Variants in MYO10 observed in about 807,000 individuals in gnomAD.
MYO10 encodes the protein unconventional myosin-X.
In MYO10, 133 loss-of-function variants were observed where a neutral mutation model predicts 257.3. The observed-to-expected ratio is 0.52, with a 90% CI of 0.45 to 0.60. The LOEUF is 0.60. MYO10 is among the 20% of genes least tolerant of loss of function. The pLI, the probability that MYO10 is intolerant of heterozygous loss-of-function variation, is 0.00. For missense variants in MYO10, 2,399 were observed against 2,635.7 expected, an observed-to-expected ratio of 0.91 and a Z score of 1.97; for synonymous variants, 1,104 against 1,028.6, an observed-to-expected ratio of 1.07 and a Z score of -1.40.
intron 8 of MYO10, among the ~76,000 whole-genome samples, chr5:16,780,263 T>C (rs192970467): frequency 6.6e-6 from 1 of 151,970 alleles, no homozygotes; most frequent in Admixed American, 6.6e-5. Flanking sequence ...CCAGCTGTAA[T>C]ATGTATTTTT....
intron 39 of MYO10, 68 bp from the exon 40 acceptor site, chr5:16,668,536 T>A: frequency 2.2e-6 from 3 of 1,339,590 alleles, no homozygotes; most frequent in Non-Finnish European, 2.0e-6. Context: ...ATCTAAACCA[T>A]AAGACAGGCT....
rs1363651068 is a variant in MYO10, at chr5:16,662,832, C to T, written c.*3860G>A. 3.3e-5 allele frequency: 5 copies of T among 152,262 alleles called. No homozygotes were observed. The highest frequency in any genetic ancestry group is 3.9e-4 in the East Asian group (2 of 5,176). 9.4% of individuals were successfully genotyped at this position (152,262 alleles called of 1,614,324 possible). A position where few individuals can be genotyped will look rare whatever the true frequency, so the allele number is the denominator to read the frequency against. On this transcript the variant is annotated 3_prime_UTR_variant, in exon 41 of 41. Transcript: ENST00000513610. ...GCTAATGGTTTTATAAAAGGGAGTT[C>T]CCCTGTGCAAGCTCTCTTGCCTGCT...
chr5:16,920,042 C>T (rs554206894), intron 1 of MYO10, among the ~76,000 whole-genome samples: 2 of 152,196 alleles, frequency 1.3e-5, no homozygotes, highest in African/African-American at 4.8e-5. Flanking sequence ...ACCCAGGAGG[C>T]GGAGACTGCG....
At chr5:16,855,071 G>A (rs1743922973) in intron 2 of MYO10, among the ~76,000 whole-genome samples, 1 of 151,752 alleles carries the variant, frequency 6.6e-6, no homozygotes, top group South Asian at 2.1e-4. Context: ...TTGTATTTCA[G>A]ACCATCACTC....
At position 16,694,591 on chromosome 5, in the gene MYO10, G is replaced by A. The variant is rs148924168; in HGVS notation, c.3580C>T (p.Arg1194Cys). The A allele has an allele frequency of 1.7e-5, 27 of 1,613,880 alleles. No homozygotes were observed. The highest frequency in any genetic ancestry group is 1.6e-4 in the Middle Eastern group (1 of 6,062). Residue 1194 changes from arginine to cysteine, a missense_variant, in exon 27 of 41, where the codon CGC (arginine) becomes TGC (cysteine). By Grantham distance (180) the Arg-to-Cys change is radical. Around this residue, in one of 3 missense-constraint regions of MYO10, gnomAD observed 1,820 missense variants for 1,939.4 expected, o/e 0.94. Transcript: ENST00000513610. The part of the protein sequence containing the change: ...MKGGLMNSWK[R>C]RWCVLKDETF... ...TCATCCTTGAGGACGCACCAGCGGC[G>A]TTTCCAAGAGTTCATCAGGCCACCT... is the stretch of plus-strand genomic sequence containing the variant.
chr5:16,905,613 G>A, intron 1 of MYO10, among the ~76,000 whole-genome samples: 1 of 152,120 alleles, frequency 6.6e-6, no homozygotes, highest in Non-Finnish European at 1.5e-5. Flanking sequence ...AAACAAGAAA[G>A]TTCCATTCCA....
chr5:16,821,155 A>C (rs1742793300), intron 2 of MYO10, among the ~76,000 whole-genome samples: 1 of 148,094 alleles, frequency 6.8e-6, no homozygotes, highest in Non-Finnish European at 1.5e-5. Flanking sequence ...TAAAATATCT[A>C]TATAAGGTAT....
At position 16,766,106 on chromosome 5, in the gene MYO10, T is replaced by C; in HGVS notation, c.1153A>G (p.Ile385Val). 6.2e-7 allele frequency: 1 copy of C among 1,613,020 alleles called. No homozygotes were observed. The highest frequency in any genetic ancestry group is 1.7e-5 in the Admixed American group (1 of 60,014). The part of the protein sequence containing the change: ...QRSMFLRGEE[I>V]LTPLNVQQAV... Reference sequence around the variant, plus strand: ...TGTTGAACATTGAGAGGCGTGAGGATCTCTTCTCCCCTGAGGAACATTGAT... The same window carrying C: ...TGTTGAACATTGAGAGGCGTGAGGACCTCTTCTCCCCTGAGGAACATTGAT... The change falls in exon 11 of 41, where the codon ATC becomes GTC. Residue 385 changes from isoleucine to valine, a missense_variant. Around this residue, in one of 3 missense-constraint regions of MYO10, gnomAD observed 337 missense variants for 446.8 expected, o/e 0.75. Transcript: ENST00000513610.
chr5:16,918,768 T>G (rs2126798693), intron 1 of MYO10, among the ~76,000 whole-genome samples: 1 of 152,252 alleles, frequency 6.6e-6, no homozygotes, highest in Admixed American at 6.5e-5. Flanking sequence ...CCCAAAGTAC[T>G]GGGATTACAT....
chr5:16,674,978 C>T lies in MYO10; in HGVS notation c.4839G>A (p.Gln1613=). The T allele has an allele frequency of 6.2e-7, 1 of 1,613,982 alleles. No individual in the cohort carries two copies. The highest frequency in any genetic ancestry group is 8.5e-7 in the Non-Finnish European group (1 of 1,179,900). Residue 1613 remains glutamine (Q), a synonymous_variant, in exon 35 of 41, where the codon CAG becomes CAA. Transcript: ENST00000513610. ...RDELYCQLIK[Q]TNKVPHPGSV... is the part of the protein sequence containing the mutation. ...TGCCGGGGTGGGGCACTTTGTTGGT[C>T]TGTTTGATAAGCTGGCAGTACAGCT...
At chr5:16,735,041 G>A (rs988851016) in intron 19 of MYO10, among the ~76,000 whole-genome samples, 7 of 152,122 alleles carry the variant, frequency 4.6e-5, no homozygotes, top group Non-Finnish European at 5.9e-5. Context: ...CCTGTGGCTG[G>A]TAAAAGGCAG....
chr5:16,740,948 C>T (rs190003863), intron 19 of MYO10, among the ~76,000 whole-genome samples: 41 of 151,568 alleles, frequency 2.7e-4, no homozygotes, highest in African/African-American at 9.4e-4. Flanking sequence ...ATCTTATCTA[C>T]GCGACGAAAG....
intron 21 of MYO10, among the ~76,000 whole-genome samples, chr5:16,709,367 T>C (rs1388056005): frequency 1.3e-5 from 2 of 152,072 alleles, no homozygotes; most frequent in Non-Finnish European, 2.9e-5. Context: ...GGGGGTGCAA[T>C]CTGGGACTTG....
intron 1 of MYO10, among the ~76,000 whole-genome samples, chr5:16,921,790 C>A (rs1745994110): frequency 1.3e-5 from 2 of 152,096 alleles, no homozygotes. Flanking sequence ...TTGGTTGTCA[C>A]AACCAGGAGG....
At chr5:16,909,781 G>A (rs1259127364) in intron 1 of MYO10, among the ~76,000 whole-genome samples, 1 of 152,088 alleles carries the variant, frequency 6.6e-6, no homozygotes, top group Non-Finnish European at 1.5e-5. Flanking sequence ...GTTCATGATC[G>A]TGGGGGCAGA....
chr5:16,903,151 T>G (rs1057475356), intron 1 of MYO10, among the ~76,000 whole-genome samples: 1 of 152,222 alleles, frequency 6.6e-6, no homozygotes, highest in Non-Finnish European at 1.5e-5. Flanking sequence ...CTCACGCCTG[T>G]AATCCCAGCA....
chr5:16,743,974 T>C (rs1740098890), intron 19 of MYO10, among the ~76,000 whole-genome samples: 1 of 152,208 alleles, frequency 6.6e-6, no homozygotes, highest in South Asian at 2.1e-4. Flanking sequence ...CTGTAGTATA[T>C]GCTCACATTT....
chr5:16,887,786 T>C (rs890702486), intron 1 of MYO10, among the ~76,000 whole-genome samples: 1 of 152,128 alleles, frequency 6.6e-6, no homozygotes, highest in Non-Finnish European at 1.5e-5. Context: ...CCACCATGTC[T>C]GGCCTCAGTC....
intron 2 of MYO10, among the ~76,000 whole-genome samples, chr5:16,852,141 G>A (rs1438560999): frequency 6.6e-6 from 1 of 150,552 alleles, no homozygotes; most frequent in African/African-American, 2.4e-5. Context: ...GAGGGAGGGA[G>A]GGTGGTTGGT....
Sources: allele counts gnomAD v4.1 joint callset (sites outside exome capture counted in the v4.1 genomes callset), GRCh38; gene constraint gnomAD v4.1.1; regional missense constraint gnomAD v4.1.1; transcripts MANE v1.5; gene names NCBI Gene and HGNC (gene_info 2026-07-23, HGNC 2026-07-21).